C5orf47: variants seen among roughly 807,000 people sequenced by gnomAD.
C5orf47 encodes the protein uncharacterized protein C5orf47.
Under a neutral mutation model 20.6 loss-of-function variants are expected in C5orf47, and 20 were observed. That is an observed-to-expected ratio of 0.97 (90% confidence interval 0.68 to 1.41). C5orf47 has a LOEUF of 1.41. C5orf47 is among the 40% of genes most tolerant of loss of function. C5orf47 has a pLI of 0.00. For missense variants in C5orf47, 262 were observed against 238.4 expected, an observed-to-expected ratio of 1.10 and a Z score of -0.65; for synonymous variants, 106 against 97.3, an observed-to-expected ratio of 1.09 and a Z score of -0.53.
At chr5:174,003,343 A>G (rs1370996208) in intron 4 of C5orf47, among the ~76,000 whole-genome samples, 1 of 152,112 alleles carries the variant, frequency 6.6e-6, no homozygotes, top group African/African-American at 2.4e-5. Flanking sequence ...AATGCACTCA[A>G]ATGAGGGTTG....
chr5:174,001,947 CT>C (rs531174254), intron 4 of C5orf47, among the ~76,000 whole-genome samples: 95 of 143,600 alleles, frequency 6.6e-4, no homozygotes, highest in African/African-American at 2.1e-3. Context: ...TATCTTTTTT[CT>C]TTTTTTTTTC....
At position 174,005,425 on chromosome 5, in the gene C5orf47, G is replaced by C. The variant is rs535711790; in HGVS notation, c.*1171G>C. On this transcript the variant is annotated 3_prime_UTR_variant, in exon 5 of 5. Transcript: ENST00000340147. ...TAACTTAATTACTTCAGGAGACTAC[G>C]ACAGTGTAGAATTTGTGGTAACATG... 3.2e-4 allele frequency: 49 copies of C among 152,348 alleles called. No individual in the cohort carries two copies. The highest frequency in any genetic ancestry group is 6.0e-4 in the Non-Finnish European group (41 of 68,010). The allele number at this position is 152,348 out of a possible 1,614,324, so 9.4% of individuals were successfully genotyped here.
chr5:173,995,255 A>T (rs989480612), intron 1 of C5orf47, among the ~76,000 whole-genome samples: 4 of 152,238 alleles, frequency 2.6e-5, no homozygotes, highest in African/African-American at 9.6e-5. Context: ...TGTATCAGAC[A>T]AGTAGTCTGC....
chr5:174,001,817 C>G (rs1581197625), intron 4 of C5orf47, among the ~76,000 whole-genome samples: 1 of 152,126 alleles, frequency 6.6e-6, no homozygotes, highest in Non-Finnish European at 1.5e-5. Flanking sequence ...ACTACTCTTC[C>G]TGGGTATATT....
intron 1 of C5orf47, among the ~76,000 whole-genome samples, chr5:173,994,017 G>A (rs1270403633): frequency 1.3e-5 from 2 of 152,232 alleles, no homozygotes; most frequent in Non-Finnish European, 2.9e-5. Flanking sequence ...GTGTTCTGCA[G>A]GTTGTGGAAG....
chr5:174,003,452 C>T (rs78043112), intron 4 of C5orf47, among the ~76,000 whole-genome samples: 2,593 of 152,188 alleles, frequency 0.017, 30 homozygotes, highest in South Asian at 0.025. Context: ...AGAAAGGACT[C>T]ATTTTGTGAA....
In C5orf47 at chr5:173,998,197, C is replaced by G. The variant is rs1468271131; in HGVS notation, c.370C>G (p.Pro124Ala). ...DAAKKYDFPI[P>A]LNEASKIMKK... ...AGCTAAAAAGTATGATTTTCCCATA[C>G]CATTGAATGAAGCTTCCAAAATAAT... Residue 124 changes from proline to alanine, a missense_variant, in exon 2 of 5, where the codon CCA becomes GCA. Pro to Ala is a conservative substitution (Grantham distance 27). Coordinates refer to ENST00000340147, the MANE Select transcript of C5orf47 (RefSeq NM_001144954.2). The G allele has an allele frequency of 2.6e-6, 4 of 1,542,026 alleles. No individual in the cohort carries two copies. The Admixed American group carries it at 8.1e-5, about 31-fold the overall frequency.
At chr5:174,003,659 C>T (rs140520663) in intron 4 of C5orf47, among the ~76,000 whole-genome samples, 49 of 152,042 alleles carry the variant, frequency 3.2e-4, no homozygotes, top group African/African-American at 9.6e-4. Flanking sequence ...GGACTGAGTA[C>T]GGAGTATCAG....
intron 1 of C5orf47, among the ~76,000 whole-genome samples, chr5:173,992,763 A>AT (rs1759021517): frequency 6.6e-6 from 1 of 152,104 alleles, no homozygotes. Context: ...TCTAATTTTT[A>AT]TTTTTAATTT....
At chr5:173,995,015 G>C (rs1396432290) in intron 1 of C5orf47, among the ~76,000 whole-genome samples, 3 of 152,106 alleles carry the variant, frequency 2.0e-5, no homozygotes, top group Non-Finnish European at 4.4e-5. Flanking sequence ...ATTTCAACAT[G>C]TAGGCCAGGC....
At chr5:173,996,857 A>G (rs1292207662) in intron 1 of C5orf47, among the ~76,000 whole-genome samples, 1 of 152,210 alleles carries the variant, frequency 6.6e-6, no homozygotes, top group African/African-American at 2.4e-5. Flanking sequence ...TCTTAATAAC[A>G]TACTGGTACC....
Position 174,001,506 on chromosome 5 carries a change from C to T in C5orf47, c.*16+275C>T, listed in dbSNP as rs114377462. The stretch of plus-strand genomic sequence containing the variant: ...CTTCTTTTTCTTTCTTTTTTTCTAT[C>T]GTACCCTCTGAGGGTACAATATGGT... On this transcript the variant is annotated intron_variant, in intron 4 of 4. Transcript: ENST00000340147. 5.9e-3 allele frequency among the ~76,000 whole-genome samples: 900 copies of T among 151,924 alleles called. 6 individuals carry two copies. Among genetic ancestry groups the T allele is most frequent in the African/African-American group, 0.021 (850 of 41,450 alleles).
downstream of C5orf47, among the ~76,000 whole-genome samples, chr5:174,007,559 CTT>C (rs113925593): frequency 4.3e-5 from 6 of 138,864 alleles, no homozygotes; most frequent in Admixed American, 7.2e-5. Context: ...ACTCTCCTAC[CTT>C]TTTTTTTTTT....
At chr5:174,007,084 A>T (rs1425288083), downstream of C5orf47, among the ~76,000 whole-genome samples, 1 of 152,062 alleles carries the variant, frequency 6.6e-6, no homozygotes, top group African/African-American at 2.4e-5. Context: ...TTAGAAACCT[A>T]CTCAATAGCC....
intron 4 of C5orf47, among the ~76,000 whole-genome samples, chr5:174,001,558 T>G (rs893903648): frequency 2.6e-5 from 4 of 152,092 alleles, no homozygotes; most frequent in Non-Finnish European, 5.9e-5. Context: ...AGAATCTTCT[T>G]CTTTTCGTTT....
At chr5:174,006,293 C>T (rs1554098422), downstream of C5orf47, among the ~76,000 whole-genome samples, 1 of 152,160 alleles carries the variant, frequency 6.6e-6, no homozygotes, top group Non-Finnish European at 1.5e-5. Context: ...ATATTTGCAA[C>T]TTACGGTTTG....
In C5orf47 at chr5:174,005,587, T is replaced by TC. The variant is rs1357123461; in HGVS notation, c.*1333_*1334insC. The TC allele has an allele frequency of 6.6e-6, 1 of 152,310 alleles. No individual in the cohort carries two copies. Among genetic ancestry groups the TC allele is most frequent in the Admixed American group, 6.5e-5 (1 of 15,282 alleles). The allele number at this position is 152,310 out of a possible 1,614,324, so 9.4% of individuals were successfully genotyped here. ...AGGGTCACACAACTTCTTTATATTA[T>TC]GCTGGGTAAATTTCAGGCTGCTAAA... is the stretch of plus-strand genomic sequence containing the variant. On this transcript the variant is annotated 3_prime_UTR_variant, in exon 5 of 5. Transcript: ENST00000340147.
downstream of C5orf47, among the ~76,000 whole-genome samples, chr5:174,007,780 A>G (rs72814736): frequency 0.14 from 21,293 of 151,820 alleles, 2,076 homozygotes; most frequent in African/African-American, 0.27. Context: ...GGCTGGTCTC[A>G]AACTCTTGAG....
intron 3 of C5orf47, among the ~76,000 whole-genome samples, chr5:174,000,990 T>C (rs1424652014): frequency 2.6e-5 from 4 of 152,188 alleles, no homozygotes; most frequent in Non-Finnish European, 5.9e-5. Flanking sequence ...CAACTTAATA[T>C]GCTGTGTTTT....
Sources: allele counts gnomAD v4.1 joint callset (sites outside exome capture counted in the v4.1 genomes callset), GRCh38; gene constraint gnomAD v4.1.1; transcripts MANE v1.5; gene names NCBI Gene and HGNC (gene_info 2026-07-23, HGNC 2026-07-21).